Variants in PCDHA6 observed in about 807,000 individuals in gnomAD.
PCDHA6 encodes the protein protocadherin alpha-6.
In PCDHA6, 55 loss-of-function variants were observed where a neutral mutation model predicts 60.3. That is an observed-to-expected ratio of 0.91 (90% confidence interval 0.73 to 1.14). PCDHA6 has a LOEUF of 1.14. PCDHA6 is among the 50% of genes most tolerant of loss of function. The pLI is 0.00. For missense variants in PCDHA6, 1,327 were observed against 1,256.5 expected, an observed-to-expected ratio of 1.06 and a Z score of -0.85; for synonymous variants, 652 against 557.9, an observed-to-expected ratio of 1.17 and a Z score of -2.38.
intron 3 of PCDHA6, among the ~76,000 whole-genome samples, chr5:141,006,275 G>C (rs782763386): frequency 6.6e-6 from 1 of 151,772 alleles, no homozygotes; most frequent in Non-Finnish European, 1.5e-5. Flanking sequence ...GCAGTGGCAC[G>C]ATCTCAGCTC....
intron 1 of PCDHA6, among the ~76,000 whole-genome samples, chr5:140,832,941 C>T (rs1455354845): frequency 6.6e-6 from 1 of 152,044 alleles, no homozygotes; most frequent in Non-Finnish European, 1.5e-5. Flanking sequence ...AAGAGAGTAA[C>T]TTAAGTGAGT....
chr5:140,900,734 G>C (rs2068260899), intron 1 of PCDHA6, among the ~76,000 whole-genome samples: 1 of 152,200 alleles, frequency 6.6e-6, no homozygotes, highest in African/African-American at 2.4e-5. Flanking sequence ...CTAGCAGTGG[G>C]ATTTCTGGAT....
intron 1 of PCDHA6, chr5:140,849,824 G>A (rs2150452119): frequency 3.1e-6 from 5 of 1,598,646 alleles, no homozygotes; most frequent in Non-Finnish European, 2.6e-6. Flanking sequence ...GGGTGTCTGT[G>A]GAGGTGGCCG....
At chr5:140,954,498 G>T (rs2095045375) in intron 1 of PCDHA6, among the ~76,000 whole-genome samples, 1 of 152,156 alleles carries the variant, frequency 6.6e-6, no homozygotes, top group Non-Finnish European at 1.5e-5. Context: ...TTGTGGTTTT[G>T]ATTTGCATTT....
Position 140,859,942 on chromosome 5 carries a change from C to T in PCDHA6, c.2394+29457C>T, listed in dbSNP as rs188063424. ...AGTAATATAAAAAACTTAGTAAAAACTCATATCAATTGTAAAAGTCTCAGG... is the reference window on the plus strand; with the variant it reads ...AGTAATATAAAAAACTTAGTAAAAATTCATATCAATTGTAAAAGTCTCAGG... On this transcript the variant is annotated intron_variant, in intron 1 of 3. Coordinates refer to ENST00000529310, the MANE Select transcript of PCDHA6 (RefSeq NM_018909.4). 5.9e-5 allele frequency: 9 copies of T among 151,828 alleles called. No individual in the cohort carries two copies. The East Asian group carries it at 1.5e-3, about 26-fold the overall frequency. 9.4% of individuals were successfully genotyped at this position (151,828 alleles called of 1,614,324 possible). A position where few individuals can be genotyped will look rare whatever the true frequency, so the allele number is the denominator to read the frequency against.
In PCDHA6 at chr5:140,828,015, A is replaced by G. The variant is rs1769489590; in HGVS notation, c.-77A>G. On this transcript the variant is annotated 5_prime_UTR_variant, in exon 1 of 4. It removes the in-frame stop codon of an upstream open reading frame in the 5' UTR. Coordinates refer to ENST00000529310, the MANE Select transcript of PCDHA6 (RefSeq NM_018909.4). Reference sequence around the variant, plus strand: ...ATGGCGGACGCAGAAGAAATGGATTAATAAATTCCGGAACATACAGTATTT... The same window carrying G: ...ATGGCGGACGCAGAAGAAATGGATTGATAAATTCCGGAACATACAGTATTT... 6.6e-7 allele frequency: 1 copy of G among 1,509,160 alleles called. No individual in the cohort carries two copies. The highest frequency in any genetic ancestry group is 1.4e-5 in the African/African-American group (1 of 71,524). 93.5% of individuals were successfully genotyped at this position (1,509,160 alleles called of 1,614,324 possible). A position where few individuals can be genotyped will look rare whatever the true frequency, so the allele number is the denominator to read the frequency against.
At chr5:140,931,977 T>G (rs1207911799) in intron 1 of PCDHA6, among the ~76,000 whole-genome samples, 2 of 151,978 alleles carry the variant, frequency 1.3e-5, no homozygotes, top group Non-Finnish European at 2.9e-5. Flanking sequence ...TATGTGTTTA[T>G]ATTTTGCTCA....
chr5:140,836,043 T>A (rs147222848), intron 1 of PCDHA6: 18 of 1,613,268 alleles, frequency 1.1e-5, no homozygotes, highest in Non-Finnish European at 1.5e-5. Flanking sequence ...GCTGCAGGTG[T>A]TCGTGCTGGA....
At chr5:141,000,030 C>T (rs1261016075) in intron 3 of PCDHA6, among the ~76,000 whole-genome samples, 3 of 152,058 alleles carry the variant, frequency 2.0e-5, no homozygotes, top group African/African-American at 7.2e-5. Flanking sequence ...GCCTGACATC[C>T]AATCACACAC....
chr5:140,846,589 T>G (rs1780576072), intron 1 of PCDHA6, among the ~76,000 whole-genome samples: 1 of 148,848 alleles, frequency 6.7e-6, no homozygotes, highest in Non-Finnish European at 1.5e-5. Context: ...TTAGCCAGGA[T>G]GGTCTCGATC....
intron 1 of PCDHA6, among the ~76,000 whole-genome samples, chr5:140,906,949 A>G (rs1349850915): frequency 1.3e-5 from 2 of 152,144 alleles, no homozygotes; most frequent in Non-Finnish European, 2.9e-5. Flanking sequence ...CTTAATTTCC[A>G]GTTTAATGGA....
intron 1 of PCDHA6, chr5:140,850,857 G>C: frequency 6.3e-7 from 1 of 1,595,010 alleles, no homozygotes; most frequent in Non-Finnish European, 8.6e-7. Flanking sequence ...GCGAACGGGA[G>C]AACCCTCTGC....
At position 140,917,332 on chromosome 5, in the gene PCDHA6, G is replaced by T. The variant is rs182473611; in HGVS notation, c.2395-61617G>T. Among the ~76,000 whole-genome samples the T allele has an allele frequency of 8.2e-3, 1,196 of 145,640 alleles. 67 individuals carry two copies. The highest frequency in any genetic ancestry group is 0.021 in the African/African-American group (776 of 37,840). On this transcript the variant is annotated intron_variant, in intron 1 of 3. Transcript: ENST00000529310. ...ATTTGGTGTTCATGTGGCGGGGGAG[G>T]GGGGGGATGGTGTAGGCTTCTGTTC... is the stretch of plus-strand genomic sequence containing the variant.
At position 141,010,952 on chromosome 5, in the gene PCDHA6, T is replaced by C. The variant is rs1217882818; in HGVS notation, c.*1015T>C. On this transcript the variant is annotated 3_prime_UTR_variant, in exon 4 of 4. Coordinates refer to ENST00000529310, the MANE Select transcript of PCDHA6 (RefSeq NM_018909.4). ...AGTCTACAGCCATTTAAATGATCAT[T>C]GCTGCTACAGAAGTGCTTTAAGAGA... 1 of 153,792 alleles carries C rather than the reference T, an allele frequency of 6.5e-6. No individual in the cohort carries two copies. Among genetic ancestry groups the C allele is most frequent in the East Asian group, 1.9e-4 (1 of 5,194 alleles). The allele number at this position is 153,792 out of a possible 1,614,324, so 9.5% of individuals were successfully genotyped here. A position where few individuals can be genotyped will look rare whatever the true frequency, so the allele number is the denominator to read the frequency against.
At chr5:140,925,826 G>T (rs1284588733) in intron 1 of PCDHA6, among the ~76,000 whole-genome samples, 3 of 152,066 alleles carry the variant, frequency 2.0e-5, no homozygotes, top group Non-Finnish European at 2.9e-5. Flanking sequence ...CTTCTTTGGG[G>T]ACGGGTCGTC....
At chr5:140,876,649 G>A (rs372867848) in intron 1 of PCDHA6, 6 of 1,614,222 alleles carry the variant, frequency 3.7e-6, no homozygotes, top group Non-Finnish European at 5.1e-6. Flanking sequence ...GACACCTCAT[G>A]TTCCCTTCAA....
chr5:140,890,283 A>G (rs1554184241), intron 1 of PCDHA6, among the ~76,000 whole-genome samples: 2 of 152,192 alleles, frequency 1.3e-5, no homozygotes, highest in Admixed American at 1.3e-4. Flanking sequence ...CACTCAGTTG[A>G]GTCAGAACCA....
chr5:140,891,748 C>G (rs575198849), intron 1 of PCDHA6, among the ~76,000 whole-genome samples: 2 of 152,242 alleles, frequency 1.3e-5, no homozygotes, highest in African/African-American at 4.8e-5. Flanking sequence ...CCTTATACAA[C>G]AGTGTTGGGA....
At chr5:140,941,216 T>TTTCTTTCTTTCC (rs782179127) in intron 1 of PCDHA6, among the ~76,000 whole-genome samples, 13 of 124,948 alleles carry the variant, frequency 1.0e-4, no homozygotes, top group Non-Finnish European at 1.8e-4. Context: ...TCTTTCTTCC[T>TTTCTTTCTTTCC]TTCTTTCTTT....
Sources: allele counts gnomAD v4.1 joint callset (sites outside exome capture counted in the v4.1 genomes callset), GRCh38; gene constraint gnomAD v4.1.1; transcripts MANE v1.5; gene names NCBI Gene and HGNC (gene_info 2026-07-23, HGNC 2026-07-21).